CAPS2: variants seen among roughly 807,000 people sequenced by gnomAD.
CAPS2 encodes calcyphosin-2.
A neutral mutation model predicts 86.5 loss-of-function variants in CAPS2; 98 were observed. The ratio of observed to expected loss-of-function variants is 1.13; its 90% confidence interval spans 0.96 to 1.34. The LOEUF is 1.34. Ranked by LOEUF, CAPS2 falls within the 40% of genes most tolerant of loss-of-function variation. CAPS2 has a pLI of 0.00. For synonymous variants in CAPS2, 210 were observed against 225.1 expected (o/e 0.93, Z 0.60); for missense variants, 729 against 686.8 (o/e 1.06, Z -0.69).
chr12:75,314,948 G>A (rs150930987), intron 6 of CAPS2, among the ~76,000 whole-genome samples: 1 of 152,148 alleles, frequency 6.6e-6, no homozygotes, highest in African/African-American at 2.4e-5. Context: ...GGAGCTAGAT[G>A]AGATGGACAC....
At chr12:75,281,393 T>C (rs950123635) in intron 16 of CAPS2, among the ~76,000 whole-genome samples, 17 of 151,940 alleles carry the variant, frequency 1.1e-4, no homozygotes, top group African/African-American at 3.6e-4. Flanking sequence ...AGGTAAATGA[T>C]AGTATATTGA....
At position 75,302,826 on chromosome 12, in the gene CAPS2, A is replaced by C. The variant is rs1043209266; in HGVS notation, c.779+1931T>G. Among the ~76,000 whole-genome samples the C allele has an allele frequency of 3.9e-5, 6 of 152,330 alleles. No homozygotes were observed. The East Asian group carries it at 1.2e-3, about 29-fold the overall frequency. On this transcript the variant is annotated intron_variant, in intron 8 of 16. Coordinates refer to ENST00000393284, the Ensembl canonical transcript of CAPS2. ...AGTGAAATGCAAATTAAAATCACTAATACACATCCATAAGAAGAACTCAAA... is the reference window on the plus strand; with the variant it reads ...AGTGAAATGCAAATTAAAATCACTACTACACATCCATAAGAAGAACTCAAA...
intron 1 of CAPS2, among the ~76,000 whole-genome samples, chr12:75,372,110 G>C (rs1425960284): frequency 9.9e-5 from 15 of 152,186 alleles, no homozygotes; most frequent in Non-Finnish European, 2.1e-4. Context: ...CGCCTGCTGG[G>C]TTCAAGTAAT....
At chr12:75,305,604 C>T (rs2138667302) in intron 7 of CAPS2, 1 of 612,932 alleles carries the variant, frequency 1.6e-6, no homozygotes, top group Admixed American at 2.0e-5. Flanking sequence ...CTGCCCCAGG[C>T]CCCGAGCGAC....
intron 7 of CAPS2, among the ~76,000 whole-genome samples, chr12:75,306,676 G>A (rs893644070): frequency 4.6e-5 from 7 of 152,008 alleles, no homozygotes; most frequent in Admixed American, 3.9e-4. Context: ...CTTTCGTATG[G>A]GACTGATGAT....
intron 16 of CAPS2, 46 bp from the exon 17 acceptor site, chr12:75,279,111 T>G: frequency 7.3e-7 from 1 of 1,376,302 alleles, no homozygotes; most frequent in Non-Finnish European, 9.6e-7. Flanking sequence ...AAAAGTTCAG[T>G]GAAATGACTG....
intron 14 of CAPS2, among the ~76,000 whole-genome samples, chr12:75,288,416 G>A (rs2035277485): frequency 2.0e-5 from 3 of 152,118 alleles, no homozygotes; most frequent in Admixed American, 1.3e-4. Flanking sequence ...TGCTCAGGCA[G>A]AGCCCCCCAA....
chr12:75,284,814 C>T (rs540035954), intron 15 of CAPS2, 147 bp downstream of exon 15: 3 of 580,834 alleles, frequency 5.2e-6, no homozygotes, highest in Non-Finnish European at 8.4e-6. Flanking sequence ...GATTTGTATG[C>T]ATATGGACCT....
chr12:75,280,092 T>A (rs1028341485), intron 16 of CAPS2, among the ~76,000 whole-genome samples: 1 of 152,000 alleles, frequency 6.6e-6, no homozygotes, highest in Non-Finnish European at 1.5e-5. Context: ...AAATGTTATA[T>A]TTCTAAAACT....
intron 12 of CAPS2, among the ~76,000 whole-genome samples, chr12:75,292,890 A>T (rs1377587483): frequency 2.0e-5 from 3 of 151,480 alleles, no homozygotes; most frequent in Non-Finnish European, 4.4e-5. Flanking sequence ...TACTAAAAAA[A>T]AATCATAATA....
At chr12:75,310,531 A>AGTCCAAG (rs1436481899) in intron 7 of CAPS2, among the ~76,000 whole-genome samples, 1 of 152,148 alleles carries the variant, frequency 6.6e-6, no homozygotes, top group Non-Finnish European at 1.5e-5. Flanking sequence ...GAGGGAGAGA[A>AGTCCAAG]GTCCAAGGTC....
chr12:75,304,190 TA>T (rs2038160485), intron 8 of CAPS2, among the ~76,000 whole-genome samples: 1 of 151,986 alleles, frequency 6.6e-6, no homozygotes, highest in Non-Finnish European at 1.5e-5. Flanking sequence ...ACAAAACGAT[TA>T]AAAAAAGATA....
At chr12:75,369,728 C>T (rs1178146388) in intron 1 of CAPS2, 6 of 985,090 alleles carry the variant, frequency 6.1e-6, no homozygotes, top group Non-Finnish European at 7.2e-6. Flanking sequence ...ACTTTTGTGC[C>T]TTCAACACTC....
At chr12:75,335,115 C>A (rs886586574) in intron 1 of CAPS2, among the ~76,000 whole-genome samples, 5 of 152,118 alleles carry the variant, frequency 3.3e-5, no homozygotes, top group African/African-American at 4.8e-5. Flanking sequence ...TTGCCTCTTG[C>A]GGGGAAGGTG....
chr12:75,381,897 G>A (rs1462115510), intron 1 of CAPS2, among the ~76,000 whole-genome samples: 1 of 152,176 alleles, frequency 6.6e-6, no homozygotes, highest in Non-Finnish European at 1.5e-5. Flanking sequence ...ACAGGCATGA[G>A]CCACCACACC....
chr12:75,310,627 T>C (rs2039050884), intron 7 of CAPS2, among the ~76,000 whole-genome samples: 1 of 152,296 alleles, frequency 6.6e-6, no homozygotes, highest in African/African-American at 2.4e-5. Context: ...TATGGCCTCA[T>C]TAAAGGTGGT....
At chr12:75,329,475 C>T (rs201063958), upstream of CAPS2, among the ~76,000 whole-genome samples, 5,812 of 37,640 alleles carry the variant, frequency 0.15, 132 homozygotes, top group East Asian at 0.23. Flanking sequence ...ACACACTTCC[C>T]ATTTCCCTCA....
At chr12:75,361,520 AC>A (rs1296075055) in intron 1 of CAPS2, among the ~76,000 whole-genome samples, 3 of 152,144 alleles carry the variant, frequency 2.0e-5, no homozygotes, top group Non-Finnish European at 4.4e-5. Flanking sequence ...TGGGGCTTGC[AC>A]CCTCTGAAGC....
At chr12:75,326,384 C>T (rs2040786958) in intron 1 of CAPS2, 34 bp downstream of exon 2, 3 of 833,066 alleles carry the variant, frequency 3.6e-6, no homozygotes, top group Non-Finnish European at 5.8e-6. Flanking sequence ...TATAAGTCAT[C>T]CTGAAAGAAG....
Sources: allele counts gnomAD v4.1 joint callset (sites outside exome capture counted in the v4.1 genomes callset), GRCh38; gene constraint gnomAD v4.1.1; transcripts MANE v1.5; gene names NCBI Gene and HGNC (gene_info 2026-07-23, HGNC 2026-07-21).